BEND6: variants seen among roughly 807,000 people sequenced by gnomAD.
BEND6 encodes BEN domain containing 6.
In BEND6, 24 loss-of-function variants were observed where a neutral mutation model predicts 31.8. The observed-to-expected ratio is 0.75, with a 90% CI of 0.55 to 1.06. BEND6 has a LOEUF of 1.06. BEND6 is among the 50% of genes least tolerant of loss of function. The pLI is 0.00. For synonymous variants in BEND6, 109 were observed against 114.6 expected (o/e 0.95, Z 0.31); for missense variants, 294 against 327.4 (o/e 0.90, Z 0.79).
intron 2 of BEND6, among the ~76,000 whole-genome samples, chr6:56,991,948 A>G (rs1040404352): frequency 2.0e-5 from 3 of 152,170 alleles, no homozygotes; most frequent in Admixed American, 1.3e-4. Context: ...ATACCCTGCC[A>G]TCTTGTTAAG....
At chr6:56,963,095 T>G (rs2127838469) in intron 1 of BEND6, among the ~76,000 whole-genome samples, 1 of 152,334 alleles carries the variant, frequency 6.6e-6, no homozygotes, top group South Asian at 2.1e-4. Context: ...TCAAAATTCT[T>G]CAGCACTTCA....
At chr6:56,984,705 C>T (rs1332707787) in intron 2 of BEND6, among the ~76,000 whole-genome samples, 2 of 152,156 alleles carry the variant, frequency 1.3e-5, no homozygotes, top group Admixed American at 1.3e-4. Flanking sequence ...GAAAACTGTT[C>T]TCTTCAATTA....
At chr6:56,979,316 G>T (rs538360511) in intron 1 of BEND6, among the ~76,000 whole-genome samples, 1 of 152,068 alleles carries the variant, frequency 6.6e-6, no homozygotes, top group East Asian at 1.9e-4. Context: ...GCTCATTTTG[G>T]GATGTATGGA....
At chr6:56,995,033 T>A (rs1826652313) in intron 3 of BEND6, among the ~76,000 whole-genome samples, 1 of 152,084 alleles carries the variant, frequency 6.6e-6, no homozygotes, top group African/African-American at 2.4e-5. Context: ...TGTGCCCCCT[T>A]TACTTCCTAT....
chr6:56,956,206 C>T (rs374203528), intron 1 of BEND6, among the ~76,000 whole-genome samples: 6 of 152,168 alleles, frequency 3.9e-5, no homozygotes, highest in African/African-American at 1.4e-4. Context: ...ACTGCATTTG[C>T]GGAGTTTCTT....
intron 3 of BEND6, among the ~76,000 whole-genome samples, chr6:56,994,798 G>A (rs1375418540): frequency 1.3e-5 from 2 of 152,052 alleles, no homozygotes; most frequent in Non-Finnish European, 2.9e-5. Context: ...AAATATAGAA[G>A]AGAAAATTTT....
Position 57,004,008 on chromosome 6 carries a change from T to A in BEND6, c.299-11125T>A, listed in dbSNP as rs532857684. On this transcript the variant is annotated intron_variant, in intron 3 of 6. Coordinates refer to ENST00000370746, the MANE Select transcript of BEND6 (RefSeq NM_152731.3). ...TTCTTGATAAAAACCCTCAAGAAAATAGGCATCAAAGGAACACACCTAAAA... is the reference window on the plus strand; with the variant it reads ...TTCTTGATAAAAACCCTCAAGAAAAAAGGCATCAAAGGAACACACCTAAAA... Among the ~76,000 whole-genome samples the A allele has an allele frequency of 2.0e-5, 3 of 152,080 alleles. No individual in the cohort carries two copies. The South Asian group carries it at 6.2e-4, about 32-fold the overall frequency.
rs1827143415 is a variant in BEND6, at chr6:57,005,943, C to T, written c.299-9190C>T. Among the ~76,000 whole-genome samples the T allele has an allele frequency of 2.0e-5, 3 of 152,158 alleles. No homozygotes were observed. In the South Asian group the frequency reaches 6.2e-4, roughly 32 times the overall value. On this transcript the variant is annotated intron_variant, in intron 3 of 6. Transcript: ENST00000370746. ...TATCAAGTTCCAATAATTTAAAGTG[C>T]CTGGCTAATGCAAGAATCAACAGAT...
At chr6:56,992,228 G>A in intron 2 of BEND6, 150 bp from the exon 3 acceptor site, 4 of 801,478 alleles carry the variant, frequency 5.0e-6, no homozygotes, top group South Asian at 3.0e-5. Flanking sequence ...TCCTCTGCCT[G>A]CTGGAGGACA....
At chr6:56,964,006 ATAG>A (rs71674108) in intron 1 of BEND6, among the ~76,000 whole-genome samples, 13,335 of 147,586 alleles carry the variant, frequency 0.09, 792 homozygotes, top group East Asian at 0.18. Context: ...ATAAAATAAG[ATAG>A]TAGTAATTAT....
chr6:57,006,477 A>G (rs1827162435), intron 3 of BEND6, among the ~76,000 whole-genome samples: 1 of 152,226 alleles, frequency 6.6e-6, no homozygotes, highest in African/African-American at 2.4e-5. Flanking sequence ...TCAATCAGGA[A>G]AAGGATGAAT....
At chr6:56,980,246 T>G (rs1355661071) in intron 1 of BEND6, among the ~76,000 whole-genome samples, 1 of 152,186 alleles carries the variant, frequency 6.6e-6, no homozygotes, top group Non-Finnish European at 1.5e-5. Context: ...TGGAGTGCAG[T>G]GGCATGATCT....
At chr6:56,974,459 A>G (rs1825804852) in intron 1 of BEND6, among the ~76,000 whole-genome samples, 1 of 152,264 alleles carries the variant, frequency 6.6e-6, no homozygotes, top group Non-Finnish European at 1.5e-5. Context: ...TATATATAAA[A>G]CTATATAAAC....
intron 1 of BEND6, among the ~76,000 whole-genome samples, chr6:56,970,876 G>A (rs1825667075): frequency 1.3e-5 from 2 of 152,004 alleles, no homozygotes; most frequent in African/African-American, 4.8e-5. Context: ...ATATCTGCAG[G>A]GGAAAGTTTA....
At chr6:57,013,436 A>G (rs1480362095) in intron 3 of BEND6, among the ~76,000 whole-genome samples, 1 of 152,226 alleles carries the variant, frequency 6.6e-6, no homozygotes, top group African/African-American at 2.4e-5. Flanking sequence ...CCAGAGCTCT[A>G]CTGTCCAAAC....
chr6:56,981,907 A>T lies in BEND6; in HGVS notation c.97A>T (p.Asn33Tyr). 6.2e-7 allele frequency: 1 copy of T among 1,612,296 alleles called. No homozygotes were observed. Among genetic ancestry groups the T allele is most frequent in the Non-Finnish European group, 8.5e-7 (1 of 1,179,236 alleles). ...AGAGACAATGGACTCAGAAAATGCA[A>T]ATAGTGACATGGATAAAGGACAGGT... is the stretch of plus-strand genomic sequence containing the variant. ...RTETMDSENANSDMDKGQRDP... is the reference protein window; with the variant it reads ...RTETMDSENAYSDMDKGQRDP... The change falls in exon 2 of 7, where the codon AAT becomes TAT. Residue 33 changes from asparagine (N) to tyrosine (Y), a missense_variant. Physicochemically the swap from Asn to Tyr is moderately radical, Grantham distance 143. Transcript: ENST00000370746.
intron 1 of BEND6, among the ~76,000 whole-genome samples, chr6:56,959,593 T>G (rs1825218231): frequency 6.6e-6 from 1 of 152,298 alleles, no homozygotes; most frequent in South Asian, 2.1e-4. Flanking sequence ...AAGAACCTAC[T>G]TCATCTAAAA....
rs563573311 is a variant in BEND6 at position 57,014,538 on chromosome 6, T to C, written c.299-595T>C. ...AAACTTTGAATGTGTAAGTTTCCATTTGAAAAAAGGAACAAAGAAAATATT... is the reference window on the plus strand; with the variant it reads ...AAACTTTGAATGTGTAAGTTTCCATCTGAAAAAAGGAACAAAGAAAATATT... On this transcript the variant is annotated intron_variant, in intron 3 of 6. Coordinates refer to ENST00000370746, the MANE Select transcript of BEND6 (RefSeq NM_152731.3). 190 of 1,498,478 alleles carry C rather than the reference T, an allele frequency of 1.3e-4. 4 individuals carry two copies. In the South Asian group the frequency reaches 2.4e-3, roughly 19 times the overall value. The allele number at this position is 1,498,478 out of a possible 1,614,324, so 92.8% of individuals were successfully genotyped here. A position where few individuals can be genotyped will look rare whatever the true frequency, so the allele number is the denominator to read the frequency against.
chr6:56,973,034 A>G (rs1040390895), intron 1 of BEND6, among the ~76,000 whole-genome samples: 1 of 152,218 alleles, frequency 6.6e-6, no homozygotes, highest in Non-Finnish European at 1.5e-5. Context: ...GAAGTTCTCT[A>G]CTTTATTGCC....
Sources: allele counts gnomAD v4.1 joint callset (sites outside exome capture counted in the v4.1 genomes callset), GRCh38; gene constraint gnomAD v4.1.1; transcripts MANE v1.5; gene names NCBI Gene and HGNC (gene_info 2026-07-23, HGNC 2026-07-21).